Variants in JARID2 observed in about 807,000 individuals in gnomAD.
The protein encoded by JARID2 is jumonji and AT-rich interaction domain containing 2.
A neutral mutation model predicts 125.6 loss-of-function variants in JARID2; 21 were observed. That is an observed-to-expected ratio of 0.17 (90% CI 0.12 to 0.24). The LOEUF (loss-of-function observed/expected upper bound fraction) is 0.24, where lower values mean the gene tolerates loss of function less well. Ranked by LOEUF, JARID2 falls within the 10% of genes least tolerant of loss-of-function variation. The probability of loss-of-function intolerance (pLI) is 1.00; values close to 1 mark genes in which losing one functional copy is unlikely to be tolerated. For synonymous variants in JARID2, 736 were observed against 661.6 expected (o/e 1.11, Z -1.73); for missense variants, 1,303 against 1,639.6 (o/e 0.79, Z 3.55).
intron 2 of JARID2, among the ~76,000 whole-genome samples, chr6:15,408,292 A>G (rs1031141681): frequency 1.3e-5 from 2 of 152,208 alleles, no homozygotes; most frequent in African/African-American, 2.4e-5. Flanking sequence ...AAGACGATAC[A>G]TATTTACGAT....
intron 2 of JARID2, among the ~76,000 whole-genome samples, chr6:15,384,729 G>T (rs1162660043): frequency 6.6e-6 from 1 of 152,088 alleles, no homozygotes. Context: ...AAGTTGCTGG[G>T]ACTTCAGGCA....
At chr6:15,506,627 C>T (rs974420135) in intron 9 of JARID2, among the ~76,000 whole-genome samples, 1 of 152,198 alleles carries the variant, frequency 6.6e-6, no homozygotes, top group Non-Finnish European at 1.5e-5. Flanking sequence ...AGCCTGGGCA[C>T]CGCTGCTTGC....
chr6:15,330,922 A>C (rs1032914861), intron 1 of JARID2, among the ~76,000 whole-genome samples: 3 of 152,210 alleles, frequency 2.0e-5, no homozygotes, highest in African/African-American at 7.2e-5. Context: ...GGTTTTGGGA[A>C]AGAGTGTTAT....
chr6:15,311,555 G>C (rs1312309836), intron 1 of JARID2, among the ~76,000 whole-genome samples: 1 of 152,154 alleles, frequency 6.6e-6, no homozygotes, highest in African/African-American at 2.4e-5. Context: ...TCCAGCCTGG[G>C]CAACAAGAGC....
intron 1 of JARID2, among the ~76,000 whole-genome samples, chr6:15,302,593 G>T (rs943869966): frequency 6.6e-6 from 1 of 152,058 alleles, no homozygotes; most frequent in Non-Finnish European, 1.5e-5. Flanking sequence ...AATTTTTACG[G>T]TGACCCACTT....
rs759887578 is a variant in JARID2, at chr6:15,513,291, T to C, written c.3319T>C (p.Ser1107Pro). 6.3e-7 allele frequency: 1 copy of C among 1,597,056 alleles called. No homozygotes were observed. Among genetic ancestry groups the C allele is most frequent in the Non-Finnish European group, 8.5e-7 (1 of 1,173,178 alleles). ...GCTGTTCGAGGCTGGCCTCCACTCC[T>C]CCGCACGCTATGGCAGCCACGATGG... ...RQLFEAGLHS[S>P]ARYGSHDGSS... is the part of the protein sequence containing the mutation. The change falls in exon 16 of 18, where the codon TCC (serine) becomes CCC (proline). Residue 1107 changes from serine to proline, a missense_variant. Around this residue, in one of 11 missense-constraint regions of JARID2, gnomAD observed 190 missense variants for 341.4 expected, o/e 0.56. Coordinates refer to ENST00000341776, the MANE Select transcript of JARID2 (RefSeq NM_004973.4).
chr6:15,472,987 G>A (rs1192809633), intron 5 of JARID2, among the ~76,000 whole-genome samples: 2 of 152,184 alleles, frequency 1.3e-5, no homozygotes. Context: ...AGACAAGCAC[G>A]AAACCAACTC....
chr6:15,376,035 C>T (rs1764340588), intron 2 of JARID2, among the ~76,000 whole-genome samples: 1 of 152,152 alleles, frequency 6.6e-6, no homozygotes, highest in African/African-American at 2.4e-5. Flanking sequence ...TGCTGTCAGC[C>T]AGTTGGCCAA....
At chr6:15,337,066 C>T (rs377019018) in intron 1 of JARID2, among the ~76,000 whole-genome samples, 2 of 152,062 alleles carry the variant, frequency 1.3e-5, no homozygotes, top group African/African-American at 2.4e-5. Context: ...TAAACGAATG[C>T]GAAACTGTCT....
chr6:15,510,320 C>G (rs1222134756), intron 12 of JARID2, among the ~76,000 whole-genome samples: 1 of 152,110 alleles, frequency 6.6e-6, no homozygotes, highest in African/African-American at 2.4e-5. Flanking sequence ...TCCCTGCACC[C>G]CTGCCTTGCG....
chr6:15,419,082 C>A (rs1658008813), intron 3 of JARID2, among the ~76,000 whole-genome samples: 1 of 151,774 alleles, frequency 6.6e-6, no homozygotes, highest in Non-Finnish European at 1.5e-5. Flanking sequence ...ATTCCTGTAT[C>A]AAAAATAAAT....
intron 2 of JARID2, among the ~76,000 whole-genome samples, chr6:15,397,155 C>G (rs900056202): frequency 6.6e-6 from 1 of 152,196 alleles, no homozygotes; most frequent in Non-Finnish European, 1.5e-5. Context: ...TTTATTATTA[C>G]TATACTGCTG....
At chr6:15,387,408 G>A (rs1009098533) in intron 2 of JARID2, among the ~76,000 whole-genome samples, 1 of 152,158 alleles carries the variant, frequency 6.6e-6, no homozygotes, top group African/African-American at 2.4e-5. Flanking sequence ...CAAGATCAAG[G>A]TGCAGGCCAG....
At chr6:15,408,393 T>C (rs1561842464) in intron 2 of JARID2, among the ~76,000 whole-genome samples, 1 of 152,224 alleles carries the variant, frequency 6.6e-6, no homozygotes, top group Non-Finnish European at 1.5e-5. Flanking sequence ...TTTATCCATC[T>C]TCTCTTTTTA....
At chr6:15,283,541 A>T (rs561635860) in intron 1 of JARID2, among the ~76,000 whole-genome samples, 1 of 146,542 alleles carries the variant, frequency 6.8e-6, no homozygotes, top group South Asian at 2.2e-4. Flanking sequence ...ACGGGATTTC[A>T]CCGTGTTAGC....
At position 15,511,374 on chromosome 6, in the gene JARID2, GCT is replaced by G; in HGVS notation, c.2926_2927del (p.Leu976AlafsTer51). Reference sequence around the variant, plus strand: ...TGCTGCAAGCCAATGGCACCCCAGGGCTGCAGATGCTGGAAAGCAACGTCATG... The same window carrying G: ...TGCTGCAAGCCAATGGCACCCCAGGGGCAGATGCTGGAAAGCAACGTCATG... ...TLLQANGTPG[L>X]QMLESNVMIS... On this transcript the variant is annotated frameshift_variant, in exon 13 of 18. Transcript: ENST00000341776. LOFTEE classifies it high-confidence loss of function. 1 of 1,613,574 alleles carries G rather than the reference GCT, an allele frequency of 6.2e-7. No homozygotes were observed. The highest frequency in any genetic ancestry group is 8.5e-7 in the Non-Finnish European group (1 of 1,179,878).
At chr6:15,451,313 T>C (rs1207287100) in intron 3 of JARID2, among the ~76,000 whole-genome samples, 1 of 152,224 alleles carries the variant, frequency 6.6e-6, no homozygotes, top group African/African-American at 2.4e-5. Context: ...GAAAGAAGCC[T>C]GAAGAGTAGA....
intron 2 of JARID2, among the ~76,000 whole-genome samples, chr6:15,404,561 AC>A: frequency 8.0e-6 from 1 of 125,162 alleles, no homozygotes; most frequent in Middle Eastern, 3.9e-3. Flanking sequence ...ACACACACAC[AC>A]ACACACACAC....
At chr6:15,298,712 T>C (rs1269410842) in intron 1 of JARID2, among the ~76,000 whole-genome samples, 5 of 150,568 alleles carry the variant, frequency 3.3e-5, no homozygotes, top group African/African-American at 4.9e-5. Flanking sequence ...TTTCCTTGAG[T>C]TTCTTATGTT....
Sources: gnomAD v4.1 joint callset for allele counts (sites outside exome capture counted in the v4.1 genomes callset) on GRCh38, gnomAD v4.1.1 for gene constraint, gnomAD v4.1.1 regional missense constraint, MANE v1.5 for transcripts, NCBI Gene and HGNC (gene_info 2026-07-23, HGNC 2026-07-21) for gene names.